Variants in PTGR2 observed in about 807,000 individuals in gnomAD.
PTGR2 encodes the protein 15-oxoprostaglandin 13-reductase.
PTGR2 carries 32 observed loss-of-function variants against 43.4 expected under a neutral mutation model. That is an observed-to-expected ratio of 0.74 (90% CI 0.56 to 0.99). PTGR2 has a LOEUF of 0.99. Among genes scored for constraint, PTGR2 ranks in the 50% least tolerant of loss-of-function variants. PTGR2 has a pLI of 0.00. For synonymous variants in PTGR2, 106 were observed against 139.2 expected (o/e 0.76, Z 1.68); for missense variants, 373 against 420.0 (o/e 0.89, Z 0.98).
At chr14:73,854,817 T>C (rs1212892146) in intron 1 of PTGR2, among the ~76,000 whole-genome samples, 1 of 152,240 alleles carries the variant, frequency 6.6e-6, no homozygotes, top group Non-Finnish European at 1.5e-5. Context: ...TACATGACAT[T>C]ATGGACCTCT....
chr14:73,863,740 G>A (rs1327170032), intron 3 of PTGR2, among the ~76,000 whole-genome samples: 4 of 151,446 alleles, frequency 2.6e-5, no homozygotes, highest in African/African-American at 7.3e-5. Flanking sequence ...TCAACCTCCC[G>A]AGTAGCTGGG....
intron 4 of PTGR2, among the ~76,000 whole-genome samples, chr14:73,874,839 AG>A (rs556747061): frequency 1.3e-5 from 2 of 152,312 alleles, no homozygotes; most frequent in African/African-American, 4.8e-5. Context: ...AGCTGCCAAA[AG>A]AATAGGTAAT....
At chr14:73,883,730 C>T (rs1243267497) in intron 9 of PTGR2, among the ~76,000 whole-genome samples, 1 of 151,634 alleles carries the variant, frequency 6.6e-6, no homozygotes, top group Non-Finnish European at 1.5e-5. Flanking sequence ...AAGTGATCCA[C>T]CCACCTTGGC....
At chr14:73,858,743 A>G (rs532473970) in intron 1 of PTGR2, 73 bp from the exon 2 acceptor site, 5 of 670,192 alleles carry the variant, frequency 7.5e-6, no homozygotes, top group South Asian at 2.8e-5. Context: ...GGGAAACACA[A>G]ATGGACTTCT....
At chr14:73,875,820 CT>C (rs953891690) in intron 4 of PTGR2, among the ~76,000 whole-genome samples, 1,495 of 94,370 alleles carry the variant, frequency 0.016, 8 homozygotes, top group African/African-American at 0.044. Context: ...TTAAAAGTTT[CT>C]TTTTTTTTTT....
Position 73,884,327 on chromosome 14 carries a change from A to G in PTGR2, c.*150A>G. 1 of 553,880 alleles carries G rather than the reference A, an allele frequency of 1.8e-6. No individual in the cohort carries two copies. Among genetic ancestry groups the G allele is most frequent in the Non-Finnish European group, 3.1e-6 (1 of 320,564 alleles). 34.3% of individuals were successfully genotyped at this position (553,880 alleles called of 1,614,324 possible). On this transcript the variant is annotated 3_prime_UTR_variant, in exon 10 of 10. Transcript: ENST00000555661. ...TTAGTTGCATAGGGTATTTGATACA[A>G]TCATTAATGGATCATACACAATAGG...
chr14:73,880,599 A>AC (rs199575446), intron 7 of PTGR2, among the ~76,000 whole-genome samples: 48,865 of 149,410 alleles, frequency 0.33, 9,187 homozygotes, highest in Non-Finnish European at 0.42. Context: ...AAAAAAAAAA[A>AC]ACAAAAAAAA....
At chr14:73,856,635 C>G (rs553217989) in intron 1 of PTGR2, among the ~76,000 whole-genome samples, 3 of 152,162 alleles carry the variant, frequency 2.0e-5, no homozygotes, top group African/African-American at 7.2e-5. Context: ...TTCCAGTTGT[C>G]TGCAGCATTC....
At chr14:73,876,412 TCAGG>T (rs2054865680) in intron 4 of PTGR2, among the ~76,000 whole-genome samples, 2 of 151,840 alleles carry the variant, frequency 1.3e-5, no homozygotes, top group Admixed American at 1.3e-4. Flanking sequence ...TGCTGTGTCC[TCAGG>T]CAGTCTTTCC....
chr14:73,875,791 CT>C (rs2054847794), intron 4 of PTGR2, among the ~76,000 whole-genome samples: 1 of 111,314 alleles, frequency 9.0e-6, no homozygotes, highest in Non-Finnish European at 1.9e-5. Flanking sequence ...AATATTTTGT[CT>C]CTTACATGGG....
At position 73,874,146 on chromosome 14, in the gene PTGR2, G is replaced by A. The variant is rs755449150; in HGVS notation, c.280G>A (p.Asp94Asn). The change falls in exon 4 of 10, where the codon GAT (aspartate) becomes AAT (asparagine). Residue 94 changes from aspartate (D) to asparagine (N), a missense_variant. Asp to Asn is a conservative substitution (Grantham distance 23). Coordinates refer to ENST00000555661, the MANE Select transcript of PTGR2 (RefSeq NM_001146154.2). Reference protein sequence around the residue: ...ESKHTNLTKGDFVTSFYWPWQ... With the variant: ...ESKHTNLTKGNFVTSFYWPWQ... ...CAAACACACAAATTTGACTAAAGGC[G>A]ATTTTGTGACTTCTTTCTATTGGCC... is the stretch of plus-strand genomic sequence containing the variant. 15 of 1,613,760 alleles carry A rather than the reference G, an allele frequency of 9.3e-6. No individual in the cohort carries two copies. The highest frequency in any genetic ancestry group is 1.3e-5 in the Non-Finnish European group (15 of 1,179,946).
At chr14:73,881,565 A>ATTG (rs3214270) in intron 8 of PTGR2, among the ~76,000 whole-genome samples, 96,119 of 151,320 alleles carry the variant, frequency 0.64, 30,832 homozygotes, top group South Asian at 0.72. Flanking sequence ...CAAATGTAAA[A>ATTG]TTATGTTTAT....
rs2054424580 is a variant in PTGR2 at position 73,858,895 on chromosome 14, AC to A, written c.35del (p.Pro12LeufsTer45). ...TTCAAAGAGTGGTATTGAATTCTCGACCTGGTATGTATTTGCGATGAATGAA... is the reference window on the plus strand; with the variant it reads ...TTCAAAGAGTGGTATTGAATTCTCGACTGGTATGTATTTGCGATGAATGAA... The part of the protein sequence containing the change: ...IVQRVVLNSR[P>X]GKNGNPVAEN... On this transcript the variant is annotated frameshift_variant, in exon 2 of 10. Transcript: ENST00000555661. LOFTEE classifies it high-confidence loss of function. 1 of 1,611,206 alleles carries A rather than the reference AC, an allele frequency of 6.2e-7. No homozygotes were observed.
chr14:73,882,160 T>C (rs2055005957), intron 8 of PTGR2, among the ~76,000 whole-genome samples: 1 of 152,132 alleles, frequency 6.6e-6, no homozygotes, highest in Admixed American at 6.5e-5. Context: ...TCTTTTTCTG[T>C]TTTAGAGTGT....
In PTGR2 at chr14:73,881,997, G is replaced by T. The variant is rs971601265; in HGVS notation, c.940-402G>T. On this transcript the variant is annotated intron_variant, in intron 8 of 9. Transcript: ENST00000555661. ...GGGGTTTCACCATGTTGGCCAGGCT[G>T]GTCTCAAACTCCTGACCTCAAGTGT... 2.0e-5 allele frequency among the ~76,000 whole-genome samples: 3 copies of T among 151,926 alleles called. No individual in the cohort carries two copies. The East Asian group carries it at 5.8e-4, about 29-fold the overall frequency.
intron 3 of PTGR2, among the ~76,000 whole-genome samples, chr14:73,867,229 ATC>A (rs1158756819): frequency 6.6e-6 from 1 of 152,016 alleles, no homozygotes; most frequent in East Asian, 1.9e-4. Context: ...CTGGACTAGA[ATC>A]TCTACTGTCA....
intron 1 of PTGR2, among the ~76,000 whole-genome samples, chr14:73,852,653 T>G (rs2054256908): frequency 6.6e-6 from 1 of 152,132 alleles, no homozygotes; most frequent in Non-Finnish European, 1.5e-5. Context: ...AAATTATTAT[T>G]AATTTCCATA....
intron 7 of PTGR2, among the ~76,000 whole-genome samples, chr14:73,880,599 A>AAC (rs1555351538): frequency 3.7e-4 from 55 of 149,522 alleles, no homozygotes; most frequent in East Asian, 5.8e-4. Flanking sequence ...AAAAAAAAAA[A>AAC]ACAAAAAAAA....
At chr14:73,857,791 C>T (rs1233639150) in intron 1 of PTGR2, among the ~76,000 whole-genome samples, 1 of 150,078 alleles carries the variant, frequency 6.7e-6, no homozygotes, top group Non-Finnish European at 1.5e-5. Context: ...GCGTCAGCCT[C>T]CGGAGTAGCT....
Sources: gnomAD v4.1 joint callset for allele counts (sites outside exome capture counted in the v4.1 genomes callset) on GRCh38, gnomAD v4.1.1 for gene constraint, MANE v1.5 for transcripts, NCBI Gene and HGNC (gene_info 2026-07-23, HGNC 2026-07-21) for gene names.